Variants in ELP4 observed in about 807,000 individuals in gnomAD.
ELP4 encodes the protein elongator acetyltransferase complex subunit 4, also known as elongator complex protein 4.
Under a neutral mutation model 48.9 loss-of-function variants are expected in ELP4, and 51 were observed. That is an observed-to-expected ratio of 1.04 (90% confidence interval 0.83 to 1.32). The LOEUF (loss-of-function observed/expected upper bound fraction) is 1.32, where lower values mean the gene tolerates loss of function less well. Among genes scored for constraint, ELP4 ranks in the 40% most tolerant of loss-of-function variants. The pLI, the probability that ELP4 is intolerant of heterozygous loss-of-function variation, is 0.00. For synonymous variants in ELP4, 210 were observed against 189.2 expected (o/e 1.11, Z -0.90); for missense variants, 519 against 514.6 (o/e 1.01, Z -0.08).
chr11:31,669,486 T>C (rs1034464013), intron 9 of ELP4, among the ~76,000 whole-genome samples: 2 of 152,198 alleles, frequency 1.3e-5, no homozygotes, highest in African/African-American at 4.8e-5. Context: ...AAAATGATTT[T>C]TCTGATTCTT....
intron 9 of ELP4, among the ~76,000 whole-genome samples, chr11:31,721,809 G>A (rs1029780114): frequency 3.3e-5 from 5 of 152,226 alleles, no homozygotes; most frequent in East Asian, 1.9e-4. Flanking sequence ...TAGGCTCCAC[G>A]ATACGTTTAT....
chr11:31,695,278 T>A (rs900918000), intron 9 of ELP4, among the ~76,000 whole-genome samples: 5 of 152,046 alleles, frequency 3.3e-5, no homozygotes, highest in East Asian at 1.9e-4. Flanking sequence ...ATTCAGTATG[T>A]TATTGGCTGT....
At chr11:31,750,641 T>G (rs1044832230) in intron 9 of ELP4, among the ~76,000 whole-genome samples, 5 of 151,986 alleles carry the variant, frequency 3.3e-5, no homozygotes, top group East Asian at 1.9e-4. Flanking sequence ...TTGTTTTTGG[T>G]TTTTTTTACA....
intron 3 of ELP4, among the ~76,000 whole-genome samples, chr11:31,562,582 G>T (rs1039680025): frequency 6.6e-6 from 1 of 151,982 alleles, no homozygotes; most frequent in Non-Finnish European, 1.5e-5. Flanking sequence ...ACTTATAAAT[G>T]TATTAAAACA....
chr11:31,545,629 G>C (rs1956691451), intron 3 of ELP4, among the ~76,000 whole-genome samples: 1 of 152,092 alleles, frequency 6.6e-6, no homozygotes, highest in Non-Finnish European at 1.5e-5. Flanking sequence ...AGGAAATACA[G>C]AGAATGCCAC....
Position 31,717,753 on chromosome 11 carries a change from C to CA in ELP4, c.1144-65626dup, listed in dbSNP as rs1363398602. On this transcript the variant is annotated intron_variant, in intron 9 of 9. Transcript: ENST00000640961. ...TGGGAGACAGAGTGACACTGTGTCT[C>CA]AAAAAAAAAAAAAAGAATTTATTAT... Among the ~76,000 whole-genome samples, 700 of 97,614 alleles carry CA rather than the reference C, an allele frequency of 7.2e-3. 4 individuals are homozygous for CA. Among genetic ancestry groups the CA allele is most frequent in the African/African-American group, 0.019 (502 of 26,920 alleles). 64.0% of individuals were successfully genotyped at this position (97,614 alleles called of 152,430 possible).
chr11:31,615,418 T>C (rs1359718762), intron 5 of ELP4, among the ~76,000 whole-genome samples: 3 of 152,094 alleles, frequency 2.0e-5, no homozygotes, highest in African/African-American at 7.2e-5. Flanking sequence ...TAGCATACAG[T>C]AGCTGGCATA....
At position 31,607,534 on chromosome 11, in the gene ELP4, C is replaced by G. The variant is rs551701547; in HGVS notation, c.653+3627C>G. Among the ~76,000 whole-genome samples, 5 of 152,230 alleles carry G rather than the reference C, an allele frequency of 3.3e-5. No individual in the cohort carries two copies. In the East Asian group the frequency reaches 7.7e-4, roughly 24 times the overall value. On this transcript the variant is annotated intron_variant, in intron 5 of 9. Transcript: ENST00000640961. Reference sequence around the variant, plus strand: ...GCCTTCTATATAAGGGCCTTAATCCCGTTTTTGAGAGAGGAGCCCTGATGA... The same window carrying G: ...GCCTTCTATATAAGGGCCTTAATCCGGTTTTTGAGAGAGGAGCCCTGATGA...
At chr11:31,743,375 C>T (rs927764660) in intron 9 of ELP4, among the ~76,000 whole-genome samples, 19 of 152,108 alleles carry the variant, frequency 1.2e-4, no homozygotes, top group Non-Finnish European at 2.5e-4. Context: ...AGGAATTGAA[C>T]TCAGCTCTGC....
chr11:31,589,353 A>G (rs1957532121), intron 3 of ELP4, among the ~76,000 whole-genome samples: 1 of 152,232 alleles, frequency 6.6e-6, no homozygotes, highest in East Asian at 1.9e-4. Context: ...GTCGAAGAAT[A>G]TCAAGCTGCA....
intron 2 of ELP4, among the ~76,000 whole-genome samples, chr11:31,533,365 A>ATTTTT (rs1592089795): frequency 3.0e-5 from 2 of 67,742 alleles, no homozygotes; most frequent in African/African-American, 1.5e-4. Context: ...AAGCCATCTC[A>ATTTTT]TTCTTTTTTT....
intron 4 of ELP4, among the ~76,000 whole-genome samples, chr11:31,603,265 C>G (rs537019458): frequency 6.6e-6 from 1 of 151,644 alleles, no homozygotes; most frequent in African/African-American, 2.4e-5. Context: ...TTAATATACA[C>G]GTATATTGTC....
chr11:31,648,014 C>A (rs1362621225), intron 8 of ELP4, 165 bp downstream of exon 8: 6 of 526,308 alleles, frequency 1.1e-5, no homozygotes, highest in Non-Finnish European at 2.1e-5. Flanking sequence ...GCTTATTACC[C>A]AACTACATTA....
chr11:31,676,908 A>G (rs1945937335), intron 9 of ELP4, among the ~76,000 whole-genome samples: 1 of 152,186 alleles, frequency 6.6e-6, no homozygotes, highest in African/African-American at 2.4e-5. Flanking sequence ...TTTTATTTAT[A>G]TTTACATCAT....
At chr11:31,549,464 A>T (rs574669742) in intron 3 of ELP4, among the ~76,000 whole-genome samples, 1 of 151,906 alleles carries the variant, frequency 6.6e-6, no homozygotes, top group East Asian at 1.9e-4. Context: ...TTAGAATGGC[A>T]ATCATTAAAA....
intron 9 of ELP4, among the ~76,000 whole-genome samples, chr11:31,713,969 C>A (rs1453982968): frequency 1.3e-5 from 2 of 151,978 alleles, no homozygotes; most frequent in African/African-American, 4.8e-5. Context: ...TATATAAGTG[C>A]TTAGAGAAGG....
At chr11:31,739,737 A>G (rs1370598979) in intron 9 of ELP4, among the ~76,000 whole-genome samples, 1 of 152,166 alleles carries the variant, frequency 6.6e-6, no homozygotes, top group East Asian at 1.9e-4. Flanking sequence ...ACCTACAAAT[A>G]TCTTAGGTTA....
At chr11:31,640,850 TG>T (rs1258587438) in intron 7 of ELP4, among the ~76,000 whole-genome samples, 1 of 151,910 alleles carries the variant, frequency 6.6e-6, no homozygotes, top group African/African-American at 2.4e-5. Context: ...AAGAAAGTCC[TG>T]AGAGATTAAA....
intron 7 of ELP4, among the ~76,000 whole-genome samples, chr11:31,640,572 C>A (rs1945074505): frequency 6.6e-6 from 1 of 151,874 alleles, no homozygotes; most frequent in South Asian, 2.1e-4. Flanking sequence ...AATGTTTTCG[C>A]ACCCTATGTA....
Sources: allele counts gnomAD v4.1 joint callset (sites outside exome capture counted in the v4.1 genomes callset), GRCh38; gene constraint gnomAD v4.1.1; transcripts MANE v1.5; gene names NCBI Gene and HGNC (gene_info 2026-07-23, HGNC 2026-07-21).